METTL3: variants seen among roughly 807,000 people sequenced by gnomAD.
METTL3 encodes the protein methyltransferase 3, N6-adenosine-methyltransferase complex catalytic subunit.
METTL3 carries 42 observed loss-of-function variants against 64.3 expected under a neutral mutation model. The ratio of observed to expected loss-of-function variants is 0.65; its 90% CI spans 0.51 to 0.84. The LOEUF (loss-of-function observed/expected upper bound fraction) is 0.84, where lower values mean the gene tolerates loss of function less well. METTL3 is among the 40% of genes least tolerant of loss of function. The pLI, the probability that METTL3 is intolerant of heterozygous loss-of-function variation, is 0.00. For missense variants in METTL3, 435 were observed against 722.3 expected, an observed-to-expected ratio of 0.60 and a Z score of 4.56; for synonymous variants, 256 against 263.6, an observed-to-expected ratio of 0.97 and a Z score of 0.28.
chr14:21,503,044 T>A, intron 3 of METTL3, 129 bp downstream of exon 3: 1 of 1,007,004 alleles, frequency 9.9e-7, no homozygotes, highest in South Asian at 1.6e-5. Flanking sequence ...CCCTGGGAGT[T>A]GGGCAGTAGG....
chr14:21,503,821 G>A lies in METTL3; in HGVS notation c.161C>T (p.Thr54Ile). The stretch of plus-strand genomic sequence containing the variant: ...CTTAGGGCCACCAGAGGTGGGTGCA[G>A]TAGGCACTGGGCTGTCACTACGGAA... ...PTFRSDSPVP[T>I]APTSGGPKPS... The change falls in exon 2 of 11, where the codon ACT (threonine) becomes ATT (isoleucine). Residue 54 changes from threonine to isoleucine, a missense_variant. Physicochemically the swap from Thr to Ile is moderately conservative, Grantham distance 89. This residue lies in a region of METTL3 where 228 missense variants were observed against 279.6 expected (regional missense o/e 0.82). Coordinates refer to ENST00000298717, the MANE Select transcript of METTL3 (RefSeq NM_019852.5). 1 of 1,614,252 alleles carries A rather than the reference G, an allele frequency of 6.2e-7. No individual in the cohort carries two copies. The highest frequency in any genetic ancestry group is 8.5e-7 in the Non-Finnish European group (1 of 1,180,050).
At chr14:21,498,881 G>T in intron 10 of METTL3, 144 bp downstream of exon 10, 1 of 628,564 alleles carries the variant, frequency 1.6e-6, no homozygotes, top group Non-Finnish European at 2.8e-6. Context: ...TCATAAAACA[G>T]TTTAAATACA....
Position 21,499,021 on chromosome 14 carries a change from T to C in METTL3, c.1631+4A>G. ...AGGACTAGCCTGTTCTCTGGTCACC[T>C]TACCAGTTGGGTTGCACATTGTGTG... is the stretch of plus-strand genomic sequence containing the variant. On this transcript the variant is annotated splice_donor_region_variant and intron_variant, in intron 10 of 10. Coordinates refer to ENST00000298717, the MANE Select transcript of METTL3 (RefSeq NM_019852.5). 6.2e-7 allele frequency: 1 copy of C among 1,607,674 alleles called. No homozygotes were observed. The highest frequency in any genetic ancestry group is 1.7e-4 in the Middle Eastern group (1 of 6,052).
At chr14:21,510,996 G>T in intron 1 of METTL3, 128 bp downstream of exon 1, 1 of 1,044,496 alleles carries the variant, frequency 9.6e-7, no homozygotes, top group Non-Finnish European at 1.3e-6. Context: ...GGTGGAGAGG[G>T]AGTACCAATG....
chr14:21,499,921 A>G, intron 6 of METTL3, 119 bp from the exon 7 acceptor site: 1 of 864,208 alleles, frequency 1.2e-6, no homozygotes, highest in Non-Finnish European at 1.9e-6. Flanking sequence ...GAACATTTAC[A>G]TGCACACCAC....
rs934416154 is a variant in METTL3, at chr14:21,499,549, G to A, written c.1395C>T (p.Arg465=). The A allele has an allele frequency of 2.5e-6, 4 of 1,614,176 alleles. No homozygotes were observed. The Admixed American group carries it at 6.7e-5, about 27-fold the overall frequency. The change falls in exon 8 of 11, where the codon CGC becomes CGT. Residue 465 remains arginine (R), a synonymous_variant. Transcript: ENST00000298717. The stretch of plus-strand genomic sequence containing the variant: ...GACCTGTACGGCCTGTCCGAATGAT[G>A]CGTTGCAGTTGATTTGTCTTCACCC... ...IIWVKTNQLQ[R]IIRTGRTGHW...
In METTL3 at chr14:21,511,277, C is replaced by T. The variant is rs548166024; in HGVS notation, c.-54G>A. ...AATAAGGCGCGGCGGACTAGCACCT[C>T]CCAGCACTCGCTCCAGGATATAGCC... On this transcript the variant is annotated 5_prime_UTR_variant, in exon 1 of 11. Transcript: ENST00000298717. 35 of 1,578,160 alleles carry T rather than the reference C, an allele frequency of 2.2e-5. 1 individual carries two copies. The African/African-American group carries it at 3.1e-4, about 14-fold the overall frequency.
chr14:21,511,035 G>C lies in METTL3; in HGVS notation c.100+89C>G, dbSNP rs938805250. ...GAGGCTTTATAGAAATGGCCGTTTG[G>C]TAAAGGGCAGTGACTCTGGAGCTTT... On this transcript the variant is annotated intron_variant, in intron 1 of 10. Coordinates refer to ENST00000298717, the MANE Select transcript of METTL3 (RefSeq NM_019852.5). The C allele has an allele frequency of 4.8e-6, 7 of 1,447,198 alleles. No homozygotes were observed. In the African/African-American group the frequency reaches 8.5e-5, roughly 18 times the overall value. The allele number at this position is 1,447,198 out of a possible 1,614,324, so 89.6% of individuals were successfully genotyped here. A position where few individuals can be genotyped will look rare whatever the true frequency, so the allele number is the denominator to read the frequency against.
At position 21,511,266 on chromosome 14, in the gene METTL3, G is replaced by C. The variant is rs1167921298; in HGVS notation, c.-43C>G. On this transcript the variant is annotated 5_prime_UTR_variant, in exon 1 of 11. Coordinates refer to ENST00000298717, the MANE Select transcript of METTL3 (RefSeq NM_019852.5). ...GACACCTCTCGAATAAGGCGCGGCGGACTAGCACCTCCCAGCACTCGCTCC... is the reference window on the plus strand; with the variant it reads ...GACACCTCTCGAATAAGGCGCGGCGCACTAGCACCTCCCAGCACTCGCTCC... 1 of 1,593,136 alleles carries C rather than the reference G, an allele frequency of 6.3e-7. No homozygotes were observed. Among genetic ancestry groups the C allele is most frequent in the African/African-American group, 1.3e-5 (1 of 74,302 alleles).
At position 21,500,689 on chromosome 14, in the gene METTL3, A is replaced by G. The variant is rs1891541785; in HGVS notation, c.1117-7T>C. ...GGATATCACAACAGATCCACTGCAT[A>G]AAGTGGTATTTGGTCATCTTCCCTA... is the stretch of plus-strand genomic sequence containing the variant. On this transcript the variant is annotated splice_polypyrimidine_tract_variant and splice_region_variant and intron_variant, in intron 5 of 10. Transcript: ENST00000298717. 1.2e-6 allele frequency: 2 copies of G among 1,607,144 alleles called. No individual in the cohort carries two copies. Among genetic ancestry groups the G allele is most frequent in the African/African-American group, 1.3e-5 (1 of 74,898 alleles).
At chr14:21,501,313 G>T in intron 4 of METTL3, 184 bp from the exon 5 acceptor site, 2 of 600,490 alleles carry the variant, frequency 3.3e-6, no homozygotes, top group Non-Finnish European at 5.8e-6. Context: ...CAGAACAATT[G>T]TAATTCCTCT....
intron 1 of METTL3, 127 bp from the exon 2 acceptor site, chr14:21,504,008 A>T (rs1402441427): frequency 1.3e-6 from 1 of 763,858 alleles, no homozygotes; most frequent in Non-Finnish European, 2.1e-6. Flanking sequence ...TCTGTGACCA[A>T]CTTTAGCACT....
At chr14:21,508,188 C>T (rs1891744108) in intron 1 of METTL3, 1 of 151,936 alleles carries the variant, frequency 6.6e-6, no homozygotes, top group African/African-American at 2.4e-5. Context: ...CACTTGAGCC[C>T]TGAGGTCGAG....
At chr14:21,507,415 T>C (rs773356399) in intron 1 of METTL3, among the ~76,000 whole-genome samples, 22 of 152,052 alleles carry the variant, frequency 1.4e-4, no homozygotes, top group Non-Finnish European at 2.8e-4. Flanking sequence ...ATCCCAGCAA[T>C]TTGAGAGGCC....
intron 1 of METTL3, chr14:21,504,747 A>G (rs1183559609): frequency 6.6e-6 from 1 of 151,608 alleles, no homozygotes; most frequent in Non-Finnish European, 1.5e-5. Context: ...CCTGGCCAAC[A>G]TGGTGAAACC....
At chr14:21,505,887 AT>A (rs901368501) in intron 1 of METTL3, among the ~76,000 whole-genome samples, 2 of 117,430 alleles carry the variant, frequency 1.7e-5, no homozygotes, top group Non-Finnish European at 3.9e-5. Context: ...TCACCCTTTA[AT>A]TAAGAGAACC....
chr14:21,501,680 A>G (rs1177475237), intron 4 of METTL3, 48 bp downstream of exon 4: 3 of 1,612,660 alleles, frequency 1.9e-6, no homozygotes, highest in Non-Finnish European at 2.5e-6. Context: ...CTGAAAAGGA[A>G]TGGCTGCTTC....
At chr14:21,506,132 T>C (rs1891690947) in intron 1 of METTL3, among the ~76,000 whole-genome samples, 1 of 152,084 alleles carries the variant, frequency 6.6e-6, no homozygotes, top group Non-Finnish European at 1.5e-5. Flanking sequence ...TTTTTCTTTT[T>C]AAAAAAATAT....
chr14:21,511,212 C>T lies in METTL3; in HGVS notation c.12G>A (p.Thr4=). MSD[T]WSSIQAHKKQ... is the part of the protein sequence containing the mutation. ...TCTTGTGGGCCTGGATAGAGCTCCA[C>T]GTGTCCGACATCCTAGTCTCCCAGC... The change falls in exon 1 of 11, where the codon ACG becomes ACA. Residue 4 remains threonine (T), a synonymous_variant. Transcript: ENST00000298717. 1 of 1,613,860 alleles carries T rather than the reference C, an allele frequency of 6.2e-7. No homozygotes were observed. The highest frequency in any genetic ancestry group is 8.5e-7 in the Non-Finnish European group (1 of 1,179,868).
Sources: allele counts gnomAD v4.1 joint callset (sites outside exome capture counted in the v4.1 genomes callset), GRCh38; gene constraint gnomAD v4.1.1; regional missense constraint gnomAD v4.1.1; transcripts MANE v1.5; gene names NCBI Gene and HGNC (gene_info 2026-07-23, HGNC 2026-07-21).